FXR1: variants seen among roughly 807,000 people sequenced by gnomAD.
FXR1 encodes FMR1 autosomal homolog 1.
A neutral mutation model predicts 84.0 loss-of-function variants in FXR1; 15 were observed. The ratio of observed to expected loss-of-function variants is 0.18; its 90% CI spans 0.12 to 0.27. FXR1 has a LOEUF of 0.27. Ranked by LOEUF, FXR1 falls within the 10% of genes least tolerant of loss-of-function variation. The pLI is 1.00. For missense variants in FXR1, 480 were observed against 774.4 expected (o/e 0.62, Z 4.51); for synonymous variants, 245 against 250.7 (o/e 0.98, Z 0.21).
At chr3:180,970,434 T>C in intron 15 of FXR1, 76 bp downstream of exon 15, 1 of 257,512 alleles carries the variant, frequency 3.9e-6, no homozygotes, top group Non-Finnish European at 6.9e-6. Context: ...TTGTAAACTA[T>C]TGTTAGTATA....
chr3:180,962,858 T>G, intron 11 of FXR1, 25 bp from the exon 12 acceptor site: 4 of 1,502,344 alleles, frequency 2.7e-6, no homozygotes, highest in Non-Finnish European at 3.7e-6. Flanking sequence ...ATAAGAAGAC[T>G]TACTCTTTTT....
Position 180,979,461 on chromosome 3 carries a change from TC to T in FXR1, c.*3170del. Reference sequence around the variant, plus strand: ...AAAGAAAAGGATGTTTGTTACTGTCTCAGTCTTCCTGTCTTTGCTACACGAT... The same window carrying T: ...AAAGAAAAGGATGTTTGTTACTGTCTAGTCTTCCTGTCTTTGCTACACGAT... On this transcript the variant is annotated 3_prime_UTR_variant, in exon 17 of 17. Transcript: ENST00000357559. The T allele has an allele frequency of 6.6e-6, 1 of 152,278 alleles. No homozygotes were observed. Among genetic ancestry groups the T allele is most frequent in the African/African-American group, 2.4e-5 (1 of 41,578 alleles). 9.4% of individuals were successfully genotyped at this position (152,278 alleles called of 1,614,324 possible). A position where few individuals can be genotyped will look rare whatever the true frequency, so the allele number is the denominator to read the frequency against.
intron 13 of FXR1, among the ~76,000 whole-genome samples, chr3:180,963,874 C>T (rs577905505): frequency 2.7e-4 from 39 of 146,776 alleles, no homozygotes; most frequent in African/African-American, 9.5e-4. Context: ...TTTTTTCCTT[C>T]GCCCCTTCTC....
intron 1 of FXR1, among the ~76,000 whole-genome samples, chr3:180,931,767 G>T: frequency 7.1e-6 from 1 of 139,908 alleles, no homozygotes. Context: ...TTTGGAGATG[G>T]GGCCACTCTG....
chr3:180,935,715 T>A (rs1053249390), intron 3 of FXR1, among the ~76,000 whole-genome samples: 1 of 151,940 alleles, frequency 6.6e-6, no homozygotes, highest in East Asian at 1.9e-4. Context: ...TGAGGAAAAA[T>A]TTAAAAGTAC....
intron 9 of FXR1, among the ~76,000 whole-genome samples, chr3:180,954,709 A>G (rs1038386805): frequency 6.7e-6 from 1 of 150,316 alleles, no homozygotes; most frequent in Non-Finnish European, 1.5e-5. Flanking sequence ...ATCTCTCATT[A>G]TTTTTTTTTG....
intron 1 of FXR1, among the ~76,000 whole-genome samples, chr3:180,916,257 CT>C: frequency 6.6e-6 from 1 of 152,284 alleles, no homozygotes; most frequent in East Asian, 1.9e-4. Context: ...CACAGTCTTC[CT>C]TCAGAACGTT....
In FXR1 at chr3:180,949,219, G is replaced by C. The variant is rs201373147; in HGVS notation, c.514-8G>C. 5.0e-6 allele frequency: 7 copies of C among 1,396,448 alleles called. No homozygotes were observed. In the Admixed American group the frequency reaches 8.4e-5, roughly 17 times the overall value. 86.5% of individuals were successfully genotyped at this position (1,396,448 alleles called of 1,614,324 possible). ...AAAGTTTTGAGTAATTAGCTTGTTTGTTTATAGTCTGCCAGTGAAGCAACT... is the reference window on the plus strand; with the variant it reads ...AAAGTTTTGAGTAATTAGCTTGTTTCTTTATAGTCTGCCAGTGAAGCAACT... On this transcript the variant is annotated splice_region_variant and splice_polypyrimidine_tract_variant and intron_variant, in intron 6 of 16. Transcript: ENST00000357559.
intron 9 of FXR1, among the ~76,000 whole-genome samples, chr3:180,957,258 T>C (rs765210426): frequency 2.6e-5 from 4 of 152,238 alleles, no homozygotes; most frequent in Non-Finnish European, 4.4e-5. Flanking sequence ...GCATATCATG[T>C]ACATGCTTTA....
chr3:180,926,506 A>ATATATATATATT (rs72192827), intron 1 of FXR1, among the ~76,000 whole-genome samples: 13 of 124,386 alleles, frequency 1.0e-4, no homozygotes, highest in East Asian at 2.2e-4. Context: ...ATATATATAT[A>ATATATATATATT]TTTTTTTTTC....
chr3:180,941,756 G>T (rs538338618), intron 3 of FXR1, among the ~76,000 whole-genome samples: 2 of 152,274 alleles, frequency 1.3e-5, no homozygotes, highest in Non-Finnish European at 2.9e-5. Flanking sequence ...AAAGCTGGTA[G>T]GAAACTGATT....
intron 2 of FXR1, 137 bp from the exon 3 acceptor site, chr3:180,935,001 G>A: frequency 1.9e-6 from 1 of 523,090 alleles, no homozygotes; most frequent in Non-Finnish European, 3.5e-6. Context: ...AATTTCTTGG[G>A]AAATTATTAA....
chr3:180,929,372 A>G (rs1354836412), intron 1 of FXR1, among the ~76,000 whole-genome samples: 1 of 152,178 alleles, frequency 6.6e-6, no homozygotes, highest in East Asian at 1.9e-4. Context: ...ATTAATGATT[A>G]TCTTAAATTA....
At chr3:180,958,106 T>A (rs1307262150) in intron 10 of FXR1, among the ~76,000 whole-genome samples, 178 bp downstream of exon 10, 1 of 152,204 alleles carries the variant, frequency 6.6e-6, no homozygotes, top group Non-Finnish European at 1.5e-5. Flanking sequence ...TATGTGGGCC[T>A]TGTTCTTAGT....
chr3:180,922,808 C>T (rs1343238356), intron 1 of FXR1, among the ~76,000 whole-genome samples: 1 of 152,028 alleles, frequency 6.6e-6, no homozygotes, highest in Non-Finnish European at 1.5e-5. Flanking sequence ...AGAGATAGGT[C>T]TTGTTATGTT....
At chr3:180,969,746 G>GTCATA in intron 14 of FXR1, among the ~76,000 whole-genome samples, 1 of 152,250 alleles carries the variant, frequency 6.6e-6, no homozygotes. Flanking sequence ...TCAGTTAAGG[G>GTCATA]GATGAAAGCT....
chr3:180,946,091 A>C (rs993183879), intron 3 of FXR1, among the ~76,000 whole-genome samples: 3 of 152,186 alleles, frequency 2.0e-5, no homozygotes, highest in African/African-American at 4.8e-5. Flanking sequence ...CTTCGCAATT[A>C]TGAGTGAAAA....
At chr3:180,970,531 T>A (rs987090556) in intron 15 of FXR1, 173 bp downstream of exon 15, 2 of 181,648 alleles carry the variant, frequency 1.1e-5, no homozygotes, top group African/African-American at 4.8e-5. Flanking sequence ...TTTTTGTCTA[T>A]CTTAAATGTT....
intron 1 of FXR1, chr3:180,933,043 A>C (rs113074618): frequency 3.1e-6 from 1 of 319,764 alleles, no homozygotes; most frequent in African/African-American, 2.2e-5. Context: ...TAGTCACAAT[A>C]CTAAATAACT....
Sources: allele counts gnomAD v4.1 joint callset (sites outside exome capture counted in the v4.1 genomes callset), GRCh38; gene constraint gnomAD v4.1.1; transcripts MANE v1.5; gene names NCBI Gene and HGNC (gene_info 2026-07-23, HGNC 2026-07-21).